The following HPCAL1 variants were observed in gnomAD, a reference collection of about 807,000 sequenced individuals.
HPCAL1 encodes hippocalcin like 1.
HPCAL1 carries 8 observed loss-of-function variants against 17.1 expected under a neutral mutation model. The ratio of observed to expected loss-of-function variants is 0.47; its 90% confidence interval spans 0.27 to 0.84. The LOEUF (loss-of-function observed/expected upper bound fraction) is 0.84. HPCAL1 is among the 40% of genes least tolerant of loss of function. The pLI is 0.13. For missense variants in HPCAL1, 165 were observed against 271.1 expected (o/e 0.61, Z 2.75); for synonymous variants, 112 against 111.4 (o/e 1.01, Z -0.03).
At chr2:10,388,386 A>G (rs1442303082) in intron 1 of HPCAL1, among the ~76,000 whole-genome samples, 1 of 152,112 alleles carries the variant, frequency 6.6e-6, no homozygotes. Context: ...TGGGCTCGGG[A>G]GGTTCCAGAA....
chr2:10,389,147 A>G (rs1341022839), intron 1 of HPCAL1, among the ~76,000 whole-genome samples: 1 of 152,140 alleles, frequency 6.6e-6, no homozygotes, highest in African/African-American at 2.4e-5. Flanking sequence ...CCATGGTAAT[A>G]CCCGGAAGTT....
rs192941543 is a variant in HPCAL1 at position 10,341,566 on chromosome 2, C to T, written c.-111+38389C>T. ...TGGGTGGGGGCTTTGGGGGAAGAGA[C>T]GGGGGTCTTTAAGCAGAAACTCTCC... On this transcript the variant is annotated intron_variant, in intron 1 of 4. Transcript: ENST00000307845. Among the ~76,000 whole-genome samples the T allele has an allele frequency of 1.3e-3, 190 of 151,708 alleles. 3 individuals carry two copies. Among genetic ancestry groups the T allele is most frequent in the Non-Finnish European group, 3.1e-4 (21 of 67,922 alleles).
intron 3 of HPCAL1, 96 bp downstream of exon 3, chr2:10,420,231 T>A (rs1670975986): frequency 4.7e-6 from 5 of 1,056,156 alleles, no homozygotes; most frequent in Middle Eastern, 3.1e-4. Context: ...TTTTTTTTTT[T>A]AAGACAGGAA....
intron 3 of HPCAL1, among the ~76,000 whole-genome samples, chr2:10,420,447 C>A (rs1459052614): frequency 1.3e-5 from 2 of 152,136 alleles, no homozygotes; most frequent in African/African-American, 4.8e-5. Flanking sequence ...CTGCCCGCCT[C>A]AGCCTCCCAG....
intron 2 of HPCAL1, among the ~76,000 whole-genome samples, chr2:10,418,834 C>T (rs1018856462): frequency 3.9e-5 from 6 of 152,138 alleles, no homozygotes; most frequent in African/African-American, 1.4e-4. Context: ...TCATTTTTCC[C>T]TGGTTCCATT....
Position 10,304,380 on chromosome 2 carries a change from G to A in HPCAL1, c.-111+1203G>A, listed in dbSNP as rs753012985. 9.1e-4 allele frequency among the ~76,000 whole-genome samples: 139 copies of A among 151,934 alleles called. 1 individual carries two copies. In the Middle Eastern group the frequency reaches 0.01, roughly 11 times the overall value. ...GATCTCGGGCTCCCGGGGTGTCCCG[G>A]CCGCCAAAGGCCACCCCTTTCCTCC... On this transcript the variant is annotated intron_variant, in intron 1 of 4. Coordinates refer to ENST00000307845, the MANE Select transcript of HPCAL1 (RefSeq NM_002149.4). The surrounding 1 kb of genome is among the most constrained non-coding windows in gnomAD (Gnocchi z 4.1).
Position 10,426,732 on chromosome 2 carries a change from T to G in HPCAL1, c.493T>G (p.Ser165Ala). The G allele has an allele frequency of 6.2e-7, 1 of 1,613,256 alleles. No homozygotes were observed. Among genetic ancestry groups the G allele is most frequent in the Non-Finnish European group, 8.5e-7 (1 of 1,179,836 alleles). The stretch of plus-strand genomic sequence containing the variant: ...TCTCTGGTCCCCTGCAGGCAAACTG[T>G]CCTTGGAAGAATTCATCAGAGGTGC... ...QMDTNNDGKLSLEEFIRGAKS... is the reference protein window; with the variant it reads ...QMDTNNDGKLALEEFIRGAKS... The change falls in exon 5 of 5, where the codon TCC (serine) becomes GCC (alanine). Residue 165 changes from serine to alanine, a missense_variant. By Grantham distance (99) the Ser-to-Ala change is moderately conservative. Transcript: ENST00000307845.
At chr2:10,317,988 G>A (rs1427023027) in intron 1 of HPCAL1, among the ~76,000 whole-genome samples, 2 of 152,146 alleles carry the variant, frequency 1.3e-5, no homozygotes, top group Non-Finnish European at 2.9e-5. Flanking sequence ...AACATCATCT[G>A]TTTTTGTTTG....
intron 1 of HPCAL1, among the ~76,000 whole-genome samples, chr2:10,372,512 C>T (rs977460098): frequency 3.9e-5 from 6 of 152,014 alleles, no homozygotes; most frequent in East Asian, 3.9e-4. Flanking sequence ...CCAGTTGGAT[C>T]GGGGAGGCGG....
At chr2:10,333,418 T>C (rs900494646) in intron 1 of HPCAL1, among the ~76,000 whole-genome samples, 1 of 152,092 alleles carries the variant, frequency 6.6e-6, no homozygotes, top group Non-Finnish European at 1.5e-5. Context: ...CCTCCAGGGA[T>C]GGGTGGGCTG....
chr2:10,399,153 T>A (rs913003942), intron 2 of HPCAL1, among the ~76,000 whole-genome samples: 2 of 149,904 alleles, frequency 1.3e-5, no homozygotes, highest in Admixed American at 1.3e-4. Flanking sequence ...AGGTGTCCAT[T>A]CCCATCCCCA....
intron 2 of HPCAL1, among the ~76,000 whole-genome samples, chr2:10,400,349 C>T (rs563226025): frequency 7.2e-5 from 11 of 152,340 alleles, no homozygotes; most frequent in Non-Finnish European, 1.2e-4. Context: ...AAGGATGCCT[C>T]CTCCCAGGCT....
rs1022022432 is a variant in HPCAL1, at chr2:10,384,978, G to A, written c.-110-11857G>A. 3.9e-5 allele frequency among the ~76,000 whole-genome samples: 6 copies of A among 152,066 alleles called. No homozygotes were observed. Among genetic ancestry groups the A allele is most frequent in the African/African-American group, 1.4e-4 (6 of 41,398 alleles). On this transcript the variant is annotated intron_variant, in intron 1 of 4. Transcript: ENST00000307845. The surrounding 1 kb of genome is among the most constrained non-coding windows in gnomAD (Gnocchi z 4.4). The stretch of plus-strand genomic sequence containing the variant: ...CTACTAAAAATACAAAAATTAGCTG[G>A]GCATGGTGGCACACGCCTGTAATCC...
intron 1 of HPCAL1, among the ~76,000 whole-genome samples, chr2:10,389,284 G>A (rs762588711): frequency 6.6e-5 from 10 of 152,188 alleles, no homozygotes; most frequent in Admixed American, 2.6e-4. Flanking sequence ...TTGCAGTGCC[G>A]CCTCTGAGCT....
At chr2:10,361,381 T>A (rs1666518378) in intron 1 of HPCAL1, among the ~76,000 whole-genome samples, 1 of 152,110 alleles carries the variant, frequency 6.6e-6, no homozygotes, top group South Asian at 2.1e-4. Flanking sequence ...TCAGTTGCCC[T>A]AATTGCCTTC....
intron 1 of HPCAL1, among the ~76,000 whole-genome samples, chr2:10,335,600 G>A (rs947859028): frequency 6.6e-6 from 1 of 152,124 alleles, no homozygotes; most frequent in Non-Finnish European, 1.5e-5. Flanking sequence ...TAACCAATAC[G>A]AGCACACCCT....
At chr2:10,396,602 C>T (rs2270300) in intron 1 of HPCAL1, among the ~76,000 whole-genome samples, 54,928 of 152,220 alleles carry the variant, frequency 0.36, 10,255 homozygotes, top group South Asian at 0.5. Flanking sequence ...TACCTTGGGG[C>T]TTCTATCAAC....
In HPCAL1 at chr2:10,304,106, TGCGCTG is replaced by T. The variant is rs1258430505; in HGVS notation, c.-111+930_-111+935del. ...GATTCGAGAAAGTTTAGCTGCCAGCTGCGCTGCCTCCTGCAGCACCTCCCGGGCGGC... is the reference window on the plus strand; with the variant it reads ...GATTCGAGAAAGTTTAGCTGCCAGCTCCTCCTGCAGCACCTCCCGGGCGGC... On this transcript the variant is annotated intron_variant, in intron 1 of 4. Transcript: ENST00000307845. This position sits in a 1 kb window ranked among gnomAD's most constrained non-coding sequence, Gnocchi z 4.1. Among the ~76,000 whole-genome samples, 1 of 152,220 alleles carries T rather than the reference TGCGCTG, an allele frequency of 6.6e-6. No homozygotes were observed. The highest frequency in any genetic ancestry group is 1.5e-5 in the Non-Finnish European group (1 of 68,026).
chr2:10,385,130 GACCCC>G (rs1558505796), intron 1 of HPCAL1, among the ~76,000 whole-genome samples: 1 of 150,924 alleles, frequency 6.6e-6, no homozygotes, highest in Non-Finnish European at 1.5e-5. Flanking sequence ...GTGACAGGAA[GACCCC>G]ACCATGAGTG....
Sources: allele counts gnomAD v4.1 joint callset (sites outside exome capture counted in the v4.1 genomes callset), GRCh38; gene constraint gnomAD v4.1.1; non-coding constraint Gnocchi (gnomAD v3.1); transcripts MANE v1.5; gene names NCBI Gene and HGNC (gene_info 2026-07-23, HGNC 2026-07-21).